Variants in DMD observed in about 807,000 individuals in gnomAD.
The protein encoded by DMD is mutant dystrophin.
Under a neutral mutation model 330.1 loss-of-function variants are expected in DMD, and 63 were observed. The observed-to-expected ratio is 0.19, with a 90% CI of 0.16 to 0.24. The LOEUF is 0.24. Among genes scored for constraint, DMD ranks in the 10% least tolerant of loss-of-function variants. The probability of loss-of-function intolerance (pLI) is 1.00; values close to 1 mark genes in which losing one functional copy is unlikely to be tolerated. For synonymous variants in DMD, 1,223 were observed against 959.8 expected, an observed-to-expected ratio of 1.27 and a Z score of -5.07; for missense variants, 3,344 against 2,684.1, an observed-to-expected ratio of 1.25 and a Z score of -5.43.
intron 62 of DMD, among the ~76,000 whole-genome samples, chrX:31,285,477 T>TA (rs2053131559): frequency 1.8e-5 from 2 of 112,259 alleles, no homozygotes; most frequent in South Asian, 3.7e-4. Flanking sequence ...TCTGACTATT[T>TA]AAAAAAATGT....
chrX:31,477,722 C>T (rs921932687), intron 59 of DMD, among the ~76,000 whole-genome samples: 1 of 109,641 alleles, frequency 9.1e-6, no homozygotes, highest in Non-Finnish European at 1.9e-5. Flanking sequence ...GGGCCAACAC[C>T]TAGACTCCTG....
chrX:33,202,193 ACTATGATTC>A (rs2051313579), intron 1 of DMD, among the ~76,000 whole-genome samples: 1 of 111,902 alleles, frequency 8.9e-6, no homozygotes, highest in Admixed American at 9.5e-5. Context: ...GTTAGAAGAT[ACTATGATTC>A]CTGCCATTTT....
chrX:32,723,645 A>G (rs1297322555), intron 7 of DMD, among the ~76,000 whole-genome samples: 1 of 111,348 alleles, frequency 9.0e-6, no homozygotes, highest in African/African-American at 3.3e-5. Flanking sequence ...ATTAGCTAAG[A>G]AAAGAGACTT....
chrX:32,111,849 C>A (rs1017222540), intron 44 of DMD, among the ~76,000 whole-genome samples: 1 of 111,675 alleles, frequency 9.0e-6, no homozygotes, highest in Non-Finnish European at 1.9e-5. Context: ...TACCAATAAT[C>A]TTTTTAAAAT....
chrX:32,234,527 T>C (rs1398518883), intron 43 of DMD, among the ~76,000 whole-genome samples: 1 of 111,436 alleles, frequency 9.0e-6, no homozygotes, highest in Non-Finnish European at 1.9e-5. Flanking sequence ...GGCATCAGAA[T>C]TTTCACCCAA....
rs191998377 is a variant in DMD, at chrX:31,666,178, A to G, written c.7873-8034T>C. 9.4e-3 allele frequency among the ~76,000 whole-genome samples: 1,047 copies of G among 111,458 alleles called. 8 individuals carry two copies. The highest frequency in any genetic ancestry group is 0.031 in the African/African-American group (963 of 30,676). ...GCTCCTTTTCAGACCCCATGAGCAT[A>G]TTGTGGTAGACTGCATTATTGTTCT... On this transcript the variant is annotated intron_variant, in intron 53 of 78. Transcript: ENST00000357033.
At chrX:32,917,077 C>T (rs1354897572) in intron 2 of DMD, among the ~76,000 whole-genome samples, 1 of 110,521 alleles carries the variant, frequency 9.0e-6, no homozygotes, top group Admixed American at 9.7e-5. Flanking sequence ...ATGACTGGAT[C>T]ATGGGAGCAG....
intron 2 of DMD, among the ~76,000 whole-genome samples, chrX:32,927,575 G>C (rs770278774): frequency 4.5e-5 from 5 of 110,392 alleles, no homozygotes; most frequent in Non-Finnish European, 7.6e-5. Flanking sequence ...ACTAAACACA[G>C]ACAAATGATG....
chrX:33,064,956 T>C (rs995864808), intron 1 of DMD, among the ~76,000 whole-genome samples: 7 of 111,914 alleles, frequency 6.3e-5, no homozygotes, highest in Non-Finnish European at 1.3e-4. Flanking sequence ...TTCTACGAAG[T>C]AAGAACTGAA....
At chrX:33,055,294 T>C (rs2094503816) in intron 1 of DMD, among the ~76,000 whole-genome samples, 1 of 111,550 alleles carries the variant, frequency 9.0e-6, no homozygotes, top group South Asian at 3.7e-4. Context: ...ACAAAATCAA[T>C]TTCAGTTGAA....
rs146195481 is a variant in DMD at position 32,394,929 on chromosome X, AAAAAG to A, written c.4234-4753_4234-4749del. ...AAAACAAAAAAACAAAAAAAAAAAA[AAAAAG>A]AAAAGAAATCATCATCAGTATCCTC... is the stretch of plus-strand genomic sequence containing the variant. On this transcript the variant is annotated intron_variant, in intron 30 of 78. Transcript: ENST00000357033. 1.7e-3 allele frequency among the ~76,000 whole-genome samples: 156 copies of A among 92,493 alleles called. 5 individuals are homozygous for A. Among genetic ancestry groups the A allele is most frequent in the South Asian group, 3.5e-3 (6 of 1,722 alleles). 80.3% of individuals were successfully genotyped at this position (92,493 alleles called of 115,157 possible). A position where few individuals can be genotyped will look rare whatever the true frequency, so the allele number is the denominator to read the frequency against.
intron 43 of DMD, among the ~76,000 whole-genome samples, chrX:32,252,699 TATATATAAATATATAAATATATATAA>T (rs2097271906): frequency 4.3e-5 from 2 of 46,282 alleles, no homozygotes; most frequent in African/African-American, 1.6e-4. Flanking sequence ...TATATATAAA[TATATATAAATATATAAATATATATAA>T]ATATATAAAT....
Position 32,821,443 on chromosome X carries a change from C to T in DMD, c.357+1852G>A, listed in dbSNP as rs58609354. Among the ~76,000 whole-genome samples, 10 of 71,281 alleles carry T rather than the reference C, an allele frequency of 1.4e-4. No individual in the cohort carries two copies. The Admixed American group carries it at 1.5e-3, about 11-fold the overall frequency. 61.9% of individuals were successfully genotyped at this position (71,281 alleles called of 115,157 possible). A position where few individuals can be genotyped will look rare whatever the true frequency, so the allele number is the denominator to read the frequency against. ...ACTAAAAATACAAAAAAAAATTAGC[C>T]GGGCGTGGTGGGGGGGCGCCTGTAG... On this transcript the variant is annotated intron_variant, in intron 5 of 78. Coordinates refer to ENST00000357033, the MANE Select transcript of DMD (RefSeq NM_004006.3).
rs779671873 is a variant in DMD, at chrX:32,534,605, G to A, written c.2168+10554C>T. On this transcript the variant is annotated intron_variant, in intron 17 of 78. Transcript: ENST00000357033. ...CAATTTTCATGTAAGTCACTCAGTT[G>A]CAGGTATTTCTTTATAACAGTGCAA... is the stretch of plus-strand genomic sequence containing the variant. Among the ~76,000 whole-genome samples the A allele has an allele frequency of 2.4e-3, 266 of 111,365 alleles. 2 individuals are homozygous for A. Among genetic ancestry groups the A allele is most frequent in the Non-Finnish European group, 4.4e-3 (234 of 53,083 alleles).
At chrX:33,013,706 T>C (rs956802646) in intron 2 of DMD, among the ~76,000 whole-genome samples, 1 of 112,759 alleles carries the variant, frequency 8.9e-6, no homozygotes, top group African/African-American at 3.2e-5. Context: ...ATATATATTG[T>C]TACCTCCTTC....
chrX:32,418,993 A>G (rs1031838481), intron 29 of DMD, among the ~76,000 whole-genome samples: 3 of 105,345 alleles, frequency 2.8e-5, no homozygotes, highest in Non-Finnish European at 5.8e-5. Context: ...AAAAAAAAAA[A>G]AAAAAGAAGC....
chrX:32,325,603 G>C (rs1485212066), intron 41 of DMD, among the ~76,000 whole-genome samples: 1 of 111,286 alleles, frequency 9.0e-6, no homozygotes, highest in African/African-American at 3.3e-5. Context: ...AAACCATATT[G>C]GTGCCCCTCA....
Position 31,559,640 on chromosome X carries a change from CAAAAAA to C in DMD, c.8218-52193_8218-52188del, listed in dbSNP as rs1167550498. 1.0e-3 allele frequency among the ~76,000 whole-genome samples: 22 copies of C among 21,638 alleles called. 2 individuals carry two copies. The highest frequency in any genetic ancestry group is 1.5e-3 in the East Asian group (1 of 659). The allele number at this position is 21,638 out of a possible 115,157, so 18.8% of individuals were successfully genotyped here. A position where few individuals can be genotyped will look rare whatever the true frequency, so the allele number is the denominator to read the frequency against. ...TGGGCGACAGAGCGAAACTCCGTCTCAAAAAAAAAAAAAAAAAAAAAAAAAGACTTC... is the reference window on the plus strand; with the variant it reads ...TGGGCGACAGAGCGAAACTCCGTCTCAAAAAAAAAAAAAAAAAAAGACTTC... On this transcript the variant is annotated intron_variant, in intron 55 of 78. Coordinates refer to ENST00000357033, the MANE Select transcript of DMD (RefSeq NM_004006.3).
chrX:33,020,056 A>C, intron 2 of DMD, 83 bp downstream of exon 2: 1 of 749,761 alleles, frequency 1.3e-6, no homozygotes, highest in Admixed American at 3.3e-5. Context: ...AATAAAACGG[A>C]TTTTTAAGAT....
Sources: allele counts gnomAD v4.1 joint callset (sites outside exome capture counted in the v4.1 genomes callset), GRCh38; gene constraint gnomAD v4.1.1; transcripts MANE v1.5; gene names NCBI Gene and HGNC (gene_info 2026-07-23, HGNC 2026-07-21).